TTC4: variants seen among roughly 807,000 people sequenced by gnomAD.
TTC4 encodes tetratricopeptide repeat domain 4, also known as hsp70/Hsp90 co-chaperone CNS1 homolog.
TTC4 carries 36 observed loss-of-function variants against 51.9 expected under a neutral mutation model. The observed-to-expected ratio is 0.69, with a 90% confidence interval of 0.53 to 0.92. The LOEUF is 0.92. Among genes scored for constraint, TTC4 ranks in the 40% least tolerant of loss-of-function variants. The probability of loss-of-function intolerance (pLI) is 0.00; values close to 1 mark genes in which losing one functional copy is unlikely to be tolerated. For missense variants in TTC4, 399 were observed against 454.6 expected (o/e 0.88, Z 1.11); for synonymous variants, 144 against 164.2 (o/e 0.88, Z 0.94).
chr1:54,738,233 G>A (rs558263958), intron 9 of TTC4, among the ~76,000 whole-genome samples: 6 of 152,220 alleles, frequency 3.9e-5, no homozygotes, highest in African/African-American at 1.2e-4. Context: ...ATCAGATCTC[G>A]TGAGACTTAG....
intron 9 of TTC4, among the ~76,000 whole-genome samples, chr1:54,739,469 G>A (rs1254993132): frequency 6.6e-6 from 1 of 152,226 alleles, no homozygotes; most frequent in East Asian, 1.9e-4. Context: ...GTATTTGAGA[G>A]CCAATGACAG....
intron 7 of TTC4, among the ~76,000 whole-genome samples, chr1:54,733,290 T>C (rs1407377992): frequency 1.3e-5 from 2 of 151,634 alleles, no homozygotes; most frequent in Admixed American, 6.6e-5. Flanking sequence ...CATGGTGGCA[T>C]GTGCCTGTAG....
At chr1:54,733,737 T>C in intron 8 of TTC4, 27 bp downstream of exon 8, 1 of 1,394,216 alleles carries the variant, frequency 7.2e-7, no homozygotes, top group South Asian at 1.3e-5. Context: ...TTCGTTCCTC[T>C]ATGGAATTAA....
At chr1:54,736,189 A>AGAGAGAGAGC (rs1645932501) in intron 8 of TTC4, among the ~76,000 whole-genome samples, 2 of 50,154 alleles carry the variant, frequency 4.0e-5, no homozygotes, top group Non-Finnish European at 7.8e-5. Flanking sequence ...AGAGAGAGAG[A>AGAGAGAGAGC]GAGAGAGAGA....
intron 5 of TTC4, among the ~76,000 whole-genome samples, chr1:54,727,446 C>CT (rs1238820483): frequency 1.3e-5 from 2 of 152,168 alleles, no homozygotes; most frequent in Admixed American, 6.5e-5. Context: ...TTGGATATGA[C>CT]ACAAAGCACA....
chr1:54,721,572 A>G (rs1447430485), intron 4 of TTC4, among the ~76,000 whole-genome samples: 1 of 152,202 alleles, frequency 6.6e-6, no homozygotes, highest in Non-Finnish European at 1.5e-5. Context: ...ATTAAAAGAT[A>G]AGTTATGGGA....
chr1:54,737,758 C>T (rs1645964356), intron 9 of TTC4, 94 bp downstream of exon 9: 2 of 1,283,002 alleles, frequency 1.6e-6, no homozygotes, highest in Non-Finnish European at 2.2e-6. Flanking sequence ...TGAGACTGGT[C>T]AGTTTATAAA....
At chr1:54,716,850 C>G in intron 2 of TTC4, 133 bp downstream of exon 2, 1 of 696,712 alleles carries the variant, frequency 1.4e-6, no homozygotes, top group Non-Finnish European at 2.4e-6. Context: ...CAATATACTT[C>G]TTTTTGTACC....
chr1:54,730,157 A>G (rs1316474876), intron 6 of TTC4, among the ~76,000 whole-genome samples: 1 of 152,226 alleles, frequency 6.6e-6, no homozygotes, highest in African/African-American at 2.4e-5. Context: ...ACATGTATTA[A>G]CACGTTAAAC....
intron 8 of TTC4, among the ~76,000 whole-genome samples, chr1:54,735,555 G>A (rs1645922901): frequency 6.6e-6 from 1 of 152,162 alleles, no homozygotes. Context: ...TATTACAGAA[G>A]TGATGCTGTA....
intron 5 of TTC4, among the ~76,000 whole-genome samples, chr1:54,723,169 G>T (rs10888869): frequency 0.092 from 14,072 of 152,216 alleles, 923 homozygotes; most frequent in South Asian, 0.19. Flanking sequence ...TTGCCTACAG[G>T]ATTCAGTGTA....
intron 7 of TTC4, 84 bp downstream of exon 7, chr1:54,731,784 T>G (rs1001163720): frequency 3.7e-6 from 5 of 1,342,874 alleles, no homozygotes; most frequent in Middle Eastern, 1.8e-4. Flanking sequence ...GATTTTTGGT[T>G]GAGAAGGGAA....
intron 9 of TTC4, among the ~76,000 whole-genome samples, chr1:54,740,380 T>C (rs1164724001): frequency 1.3e-5 from 2 of 152,158 alleles, no homozygotes; most frequent in South Asian, 2.1e-4. Context: ...CCAGATCTGA[T>C]TGATACCTTT....
At chr1:54,731,342 C>T in intron 6 of TTC4, 144 bp from the exon 7 acceptor site, 1 of 709,102 alleles carries the variant, frequency 1.4e-6, no homozygotes, top group Non-Finnish European at 2.2e-6. Context: ...TATAGTGAAA[C>T]TCCGTCTCTT....
At chr1:54,718,130 A>G (rs1158797245) in intron 3 of TTC4, among the ~76,000 whole-genome samples, 1 of 152,040 alleles carries the variant, frequency 6.6e-6, no homozygotes, top group Admixed American at 6.6e-5. Flanking sequence ...CCTGTAATCC[A>G]AGCACTTTGG....
intron 3 of TTC4, among the ~76,000 whole-genome samples, chr1:54,720,508 T>A (rs61768791): frequency 4.1e-5 from 5 of 122,690 alleles, no homozygotes. Context: ...TTTTTTTTTT[T>A]AAATAGGCTT....
rs577606326 is a variant in TTC4, at chr1:54,739,413, G to A, written c.1061+1749G>A. ...CACACGCTGCCTCTCTGGGACTGCC[G>A]CCTCATCTCTGGAATGGGAGTAATA... On this transcript the variant is annotated intron_variant, in intron 9 of 9. Transcript: ENST00000371281. 4.6e-5 allele frequency among the ~76,000 whole-genome samples: 7 copies of A among 152,300 alleles called. No individual in the cohort carries two copies. The South Asian group carries it at 1.5e-3, about 32-fold the overall frequency.
At position 54,722,808 on chromosome 1, in the gene TTC4, CT is replaced by C. The variant is rs1645758103; in HGVS notation, c.594+10del. 6.2e-7 allele frequency: 1 copy of C among 1,612,274 alleles called. No individual in the cohort carries two copies. The highest frequency in any genetic ancestry group is 1.3e-5 in the African/African-American group (1 of 74,898). ...AAGCAGACAAGCTGAAGGTTGGTGA[CT>C]GTCAGCAACCAATTAGCATTTGCTA... On this transcript the variant is annotated intron_variant, in intron 5 of 9. Transcript: ENST00000371281.
chr1:54,740,380 T>A (rs1164724001), intron 9 of TTC4, among the ~76,000 whole-genome samples: 2 of 152,158 alleles, frequency 1.3e-5, no homozygotes, highest in Non-Finnish European at 1.5e-5. Flanking sequence ...CCAGATCTGA[T>A]TGATACCTTT....
Sources: allele counts gnomAD v4.1 joint callset (sites outside exome capture counted in the v4.1 genomes callset), GRCh38; gene constraint gnomAD v4.1.1; transcripts MANE v1.5; gene names NCBI Gene and HGNC (gene_info 2026-07-23, HGNC 2026-07-21).